Variants in TSHZ3 observed in about 807,000 individuals in gnomAD.
The protein encoded by TSHZ3 is teashirt homolog 3.
Under a neutral mutation model 64.5 loss-of-function variants are expected in TSHZ3, and 10 were observed. The observed-to-expected ratio is 0.16, with a 90% CI of 0.10 to 0.26. TSHZ3 has a LOEUF of 0.26. Among genes scored for constraint, TSHZ3 ranks in the 10% least tolerant of loss-of-function variants. The pLI, the probability that TSHZ3 is intolerant of heterozygous loss-of-function variation, is 1.00. For missense variants in TSHZ3, 1,242 were observed against 1,421.7 expected (o/e 0.87, Z 2.03); for synonymous variants, 608 against 593.1 (o/e 1.03, Z -0.36).
intron 1 of TSHZ3, among the ~76,000 whole-genome samples, chr19:31,243,897 G>A (rs1599601877): frequency 2.6e-5 from 4 of 152,266 alleles, no homozygotes; most frequent in Middle Eastern, 6.8e-3. Flanking sequence ...AGGGCGGTTT[G>A]CACTGTGGTT....
At chr19:31,260,019 C>T (rs1031902656) in intron 1 of TSHZ3, among the ~76,000 whole-genome samples, 4 of 152,194 alleles carry the variant, frequency 2.6e-5, no homozygotes, top group Admixed American at 6.5e-5. Context: ...CTATGATGTG[C>T]ATCTTTCATA....
intron 4 of TSHZ3, among the ~76,000 whole-genome samples, chr19:31,217,091 A>C (rs1197900008): frequency 6.6e-6 from 1 of 151,932 alleles, no homozygotes; most frequent in African/African-American, 2.4e-5. Flanking sequence ...TAACCACCGC[A>C]CCCCGCCCAG....
intron 5 of TSHZ3, among the ~76,000 whole-genome samples, chr19:31,192,754 T>A (rs574363579): frequency 6.6e-6 from 1 of 152,250 alleles, no homozygotes; most frequent in East Asian, 1.9e-4. Context: ...GCAACTCTTA[T>A]GTTGACGCAA....
At chr19:31,183,595 G>C (rs913252495) in intron 5 of TSHZ3, among the ~76,000 whole-genome samples, 1 of 152,158 alleles carries the variant, frequency 6.6e-6, no homozygotes, top group East Asian at 1.9e-4. Context: ...AGCAGGTTGG[G>C]AACCAGGTGT....
exon 7 of TSHZ3, among the ~76,000 whole-genome samples, chr19:31,150,122 C>T (rs949899175): frequency 2.1e-4 from 32 of 151,938 alleles, no homozygotes; most frequent in African/African-American, 7.0e-4. Flanking sequence ...AAAACTTTTG[C>T]ATGCAAAATG....
chr19:31,194,438 A>G (rs1231306075), intron 5 of TSHZ3, among the ~76,000 whole-genome samples: 1 of 152,190 alleles, frequency 6.6e-6, no homozygotes, highest in Non-Finnish European at 1.5e-5. Flanking sequence ...CACCTGGAAG[A>G]AAGGAAATAC....
chr19:31,246,967 T>TAAA (rs1975764976), intron 1 of TSHZ3, among the ~76,000 whole-genome samples: 1 of 152,030 alleles, frequency 6.6e-6, no homozygotes, highest in Non-Finnish European at 1.5e-5. Context: ...CAAAAATAAA[T>TAAA]AATGATTGAA....
At chr19:31,280,302 G>A (rs981569441) in intron 1 of TSHZ3, among the ~76,000 whole-genome samples, 19 of 150,212 alleles carry the variant, frequency 1.3e-4, no homozygotes, top group Admixed American at 9.9e-4. Context: ...AGAAAAGTAC[G>A]TCCATTGTAA....
At chr19:31,350,248 C>G (rs1352374442), upstream of TSHZ3, among the ~76,000 whole-genome samples, 1 of 150,390 alleles carries the variant, frequency 6.6e-6, no homozygotes, top group Non-Finnish European at 1.5e-5. Flanking sequence ...GGGCAGCCCT[C>G]AGACCCCGCG....
At chr19:31,189,900 A>G (rs1408286857) in intron 5 of TSHZ3, among the ~76,000 whole-genome samples, 1 of 152,088 alleles carries the variant, frequency 6.6e-6, no homozygotes, top group African/African-American at 2.4e-5. Context: ...TTGTGTCAAG[A>G]TATTGTTAGT....
chr19:31,202,278 T>C (rs909466761), intron 5 of TSHZ3, among the ~76,000 whole-genome samples: 2 of 152,156 alleles, frequency 1.3e-5, no homozygotes, highest in Admixed American at 6.5e-5. Context: ...AAATCACTAA[T>C]GACAACACCA....
At chr19:31,334,446 C>T (rs537270902) in intron 1 of TSHZ3, among the ~76,000 whole-genome samples, 27 of 152,142 alleles carry the variant, frequency 1.8e-4, no homozygotes, top group Non-Finnish European at 3.7e-4. Flanking sequence ...ATAACAATTG[C>T]GTCTTATGCA....
At chr19:31,298,084 C>T (rs1237561912) in intron 1 of TSHZ3, among the ~76,000 whole-genome samples, 1 of 152,150 alleles carries the variant, frequency 6.6e-6, no homozygotes, top group Non-Finnish European at 1.5e-5. Flanking sequence ...TCAGGAGGTG[C>T]TCACGGACCT....
At chr19:31,316,217 T>C (rs147728280) in intron 1 of TSHZ3, among the ~76,000 whole-genome samples, 1 of 152,274 alleles carries the variant, frequency 6.6e-6, no homozygotes, top group East Asian at 1.9e-4. Context: ...AGGCAGGAGT[T>C]CCCTGCTACT....
At chr19:31,347,567 G>T (rs1197295948) in intron 1 of TSHZ3, among the ~76,000 whole-genome samples, 1 of 152,184 alleles carries the variant, frequency 6.6e-6, no homozygotes, top group East Asian at 1.9e-4. Flanking sequence ...TAAGCTCATT[G>T]CTTGAGCCTG....
rs112882831 is a variant in TSHZ3 at position 31,276,817 on chromosome 19, G to A, written c.2976C>T (p.Ile992=). Residue 992 remains isoleucine (I), a synonymous_variant, in exon 2 of 2, where the codon ATC becomes ATT. Transcript: ENST00000240587. ...AGCCTAAGTGTGACTCTAGGTGACT[G>A]ATGTACGTGGAAGGAGTCCTGATTT... is the stretch of plus-strand genomic sequence containing the variant. ...ASQIRTPSTY[I]SHLESHLGFR... is the part of the protein sequence containing the mutation. 1.1e-5 allele frequency: 17 copies of A among 1,614,114 alleles called. No homozygotes were observed. In the African/African-American group the frequency reaches 1.5e-4, roughly 14 times the overall value.
At chr19:31,284,569 A>G (rs2145121700) in intron 1 of TSHZ3, among the ~76,000 whole-genome samples, 1 of 152,208 alleles carries the variant, frequency 6.6e-6, no homozygotes, top group East Asian at 1.9e-4. Context: ...AAGATCTCTC[A>G]TTCCTTACTT....
At chr19:31,349,105 T>C in intron 1 of TSHZ3, 75 bp downstream of exon 1, 1 of 1,489,752 alleles carries the variant, frequency 6.7e-7, no homozygotes, top group East Asian at 2.7e-5. Flanking sequence ...AGGAGCGGGG[T>C]CGCGCCCGCT....
At chr19:31,168,606 A>T (rs1409843127) in intron 5 of TSHZ3, among the ~76,000 whole-genome samples, 1 of 152,244 alleles carries the variant, frequency 6.6e-6, no homozygotes, top group African/African-American at 2.4e-5. Context: ...AAAGGGTCAG[A>T]GGAGACACTG....
Sources: allele counts gnomAD v4.1 joint callset (sites outside exome capture counted in the v4.1 genomes callset), GRCh38; gene constraint gnomAD v4.1.1; transcripts MANE v1.5; gene names NCBI Gene and HGNC (gene_info 2026-07-23, HGNC 2026-07-21).